The following DPYD variants were observed in gnomAD, a reference collection of about 807,000 sequenced individuals.
DPYD encodes the protein dihydropyrimidine dehydrogenase, also known as dihydropyrimidine dehydrogenase [NADP(+)].
DPYD carries 109 observed loss-of-function variants against 116.2 expected under a neutral mutation model. The observed-to-expected ratio is 0.94, with a 90% confidence interval of 0.80 to 1.10. DPYD has a LOEUF of 1.10. Among genes scored for constraint, DPYD ranks in the 50% least tolerant of loss-of-function variants. DPYD has a pLI of 0.00. For synonymous variants in DPYD, 440 were observed against 432.0 expected, an observed-to-expected ratio of 1.02 and a Z score of -0.23; for missense variants, 1,302 against 1,254.5, an observed-to-expected ratio of 1.04 and a Z score of -0.57.
chr1:97,120,997 T>C (rs1652385823), intron 20 of DPYD, among the ~76,000 whole-genome samples: 1 of 152,208 alleles, frequency 6.6e-6, no homozygotes, highest in South Asian at 2.1e-4. Context: ...AATAACACTG[T>C]GTTTTCTGTC....
chr1:97,767,359 C>CTCTTCTTA (rs1665919862), intron 3 of DPYD, among the ~76,000 whole-genome samples: 1 of 152,104 alleles, frequency 6.6e-6, no homozygotes, highest in Non-Finnish European at 1.5e-5. Context: ...GACTTTGCAG[C>CTCTTCTTA]TCTTCTTATC....
intron 13 of DPYD, among the ~76,000 whole-genome samples, chr1:97,502,849 T>A (rs1557757051): frequency 2.0e-5 from 3 of 151,902 alleles, no homozygotes; most frequent in Admixed American, 2.0e-4. Context: ...TATATTTATT[T>A]AAAAAAAATT....
intron 20 of DPYD, among the ~76,000 whole-genome samples, chr1:97,124,236 A>G (rs1016109102): frequency 6.6e-6 from 1 of 152,016 alleles, no homozygotes; most frequent in Admixed American, 6.6e-5. Context: ...TCTAAATAGC[A>G]CAGATTTCTG....
At chr1:97,601,100 A>C (rs1342451075) in intron 8 of DPYD, among the ~76,000 whole-genome samples, 1 of 152,088 alleles carries the variant, frequency 6.6e-6, no homozygotes, top group African/African-American at 2.4e-5. Context: ...GGTCTAAAGA[A>C]CTGGGTTCTA....
chr1:97,444,571 C>T (rs1034737418), intron 14 of DPYD, among the ~76,000 whole-genome samples: 1 of 151,948 alleles, frequency 6.6e-6, no homozygotes, highest in Non-Finnish European at 1.5e-5. Flanking sequence ...ATGAACTTTA[C>T]AAAAAATACA....
intron 8 of DPYD, among the ~76,000 whole-genome samples, chr1:97,613,833 A>G (rs1033767936): frequency 6.6e-6 from 1 of 152,076 alleles, no homozygotes; most frequent in Non-Finnish European, 1.5e-5. Flanking sequence ...CAGTAGCTAC[A>G]GAGATCATAA....
intron 16 of DPYD, among the ~76,000 whole-genome samples, chr1:97,313,220 C>G (rs931880476): frequency 1.3e-5 from 2 of 151,818 alleles, no homozygotes; most frequent in African/African-American, 4.8e-5. Flanking sequence ...ATTGATAGAG[C>G]CTACACCACA....
intron 20 of DPYD, among the ~76,000 whole-genome samples, chr1:97,182,356 T>C (rs1460137108): frequency 6.6e-6 from 1 of 152,164 alleles, no homozygotes; most frequent in Non-Finnish European, 1.5e-5. Flanking sequence ...ATGCAGTACA[T>C]TCTGATCTGA....
rs748958293 is a variant in DPYD at position 97,593,277 on chromosome 1, G to A, written c.1069C>T (p.Arg357Cys). The change falls in exon 10 of 23, where the codon CGC (arginine) becomes TGC (cysteine). Residue 357 changes from arginine (R) to cysteine (C), a missense_variant. By Grantham distance (180) the Arg-to-Cys change is radical. Coordinates refer to ENST00000370192, the MANE Select transcript of DPYD (RefSeq NM_000110.4). ...TTTCTGAAGACGATGAACACACGGC[G>A]AGCTCCACAACGTAGAGCAGATGTT... ...CATSALRCGA[R>C]RVFIVFRKGF... is the part of the protein sequence containing the mutation. The A allele has an allele frequency of 5.0e-6, 8 of 1,613,892 alleles. No individual in the cohort carries two copies. The African/African-American group carries it at 8.0e-5, about 16-fold the overall frequency.
At chr1:97,252,506 T>C (rs370165524) in intron 18 of DPYD, among the ~76,000 whole-genome samples, 20 of 152,320 alleles carry the variant, frequency 1.3e-4, no homozygotes, top group East Asian at 9.6e-4. Context: ...GCTTAAATTG[T>C]GTATAATAAT....
chr1:97,476,150 T>C (rs929983819), intron 13 of DPYD, among the ~76,000 whole-genome samples: 1 of 152,172 alleles, frequency 6.6e-6, no homozygotes. Context: ...CTGGGGACAC[T>C]GAAAGTGGTG....
intron 13 of DPYD, among the ~76,000 whole-genome samples, chr1:97,487,566 G>C (rs1430167107): frequency 3.9e-5 from 6 of 152,032 alleles, no homozygotes; most frequent in African/African-American, 1.2e-4. Flanking sequence ...CCAGCTACTC[G>C]GGAGGCTGAG....
chr1:97,126,745 G>A (rs780227560), intron 20 of DPYD, among the ~76,000 whole-genome samples: 3 of 152,074 alleles, frequency 2.0e-5, no homozygotes, highest in African/African-American at 7.2e-5. Context: ...AAATACATTC[G>A]TTGAGTAAAT....
intron 3 of DPYD, among the ~76,000 whole-genome samples, chr1:97,806,155 C>T (rs1668069886): frequency 1.3e-5 from 2 of 151,856 alleles, no homozygotes; most frequent in African/African-American, 4.8e-5. Context: ...CAAGTTCACA[C>T]AAAACATTCA....
At chr1:97,314,495 T>TTC (rs1667701313) in intron 16 of DPYD, among the ~76,000 whole-genome samples, 2 of 149,272 alleles carry the variant, frequency 1.3e-5, no homozygotes, top group South Asian at 2.1e-4. Context: ...GCTTTCTTTT[T>TTC]TTTTTTTTTT....
At chr1:97,142,754 G>T (rs1654322794) in intron 20 of DPYD, among the ~76,000 whole-genome samples, 1 of 151,782 alleles carries the variant, frequency 6.6e-6, no homozygotes, top group Admixed American at 6.6e-5. Context: ...AGCTCTTTAT[G>T]CCCTTCCTGA....
intron 20 of DPYD, among the ~76,000 whole-genome samples, chr1:97,173,226 ATATATG>A (rs1656882512): frequency 2.9e-5 from 3 of 104,930 alleles, no homozygotes; most frequent in Non-Finnish European, 7.3e-5. Flanking sequence ...ATATACGTAC[ATATATG>A]CGCACACATA....
intron 20 of DPYD, among the ~76,000 whole-genome samples, chr1:97,155,958 G>C (rs187721763): frequency 3.3e-5 from 5 of 151,736 alleles, no homozygotes; most frequent in African/African-American, 9.7e-5. Context: ...TGATTCCATA[G>C]CTGTGGAGTT....
At chr1:97,400,266 T>C (rs1673293443) in intron 14 of DPYD, among the ~76,000 whole-genome samples, 1 of 152,238 alleles carries the variant, frequency 6.6e-6, no homozygotes, top group Non-Finnish European at 1.5e-5. Flanking sequence ...CATTTGCGTA[T>C]GTTGAACCAG....
Sources: allele counts gnomAD v4.1 joint callset (sites outside exome capture counted in the v4.1 genomes callset), GRCh38; gene constraint gnomAD v4.1.1; transcripts MANE v1.5; gene names NCBI Gene and HGNC (gene_info 2026-07-23, HGNC 2026-07-21).